Variants in ARHGAP42 observed in about 807,000 individuals in gnomAD.
ARHGAP42 encodes rho GTPase-activating protein 42.
A neutral mutation model predicts 125.0 loss-of-function variants in ARHGAP42; 63 were observed. That is an observed-to-expected ratio of 0.50 (90% CI 0.41 to 0.62). ARHGAP42 has a LOEUF of 0.62. Among genes scored for constraint, ARHGAP42 ranks in the 20% least tolerant of loss-of-function variants. The pLI is 0.00. For missense variants in ARHGAP42, 766 were observed against 1,024.2 expected, an observed-to-expected ratio of 0.75 and a Z score of 3.44; for synonymous variants, 339 against 351.0, an observed-to-expected ratio of 0.97 and a Z score of 0.38.
At chr11:100,807,259 G>A (rs1864019654) in intron 3 of ARHGAP42, among the ~76,000 whole-genome samples, 1 of 151,232 alleles carries the variant, frequency 6.6e-6, no homozygotes, top group Non-Finnish European at 1.5e-5. Context: ...GCAATGGCAC[G>A]ATCTCGGCTC....
intron 19 of ARHGAP42, among the ~76,000 whole-genome samples, chr11:100,975,330 A>C (rs1205270013): frequency 6.6e-6 from 1 of 152,202 alleles, no homozygotes; most frequent in Non-Finnish European, 1.5e-5. Flanking sequence ...TGTTCTCCAC[A>C]AATATGCATA....
At chr11:100,901,455 T>C (rs1278542584) in intron 4 of ARHGAP42, among the ~76,000 whole-genome samples, 1 of 152,222 alleles carries the variant, frequency 6.6e-6, no homozygotes, top group African/African-American at 2.4e-5. Flanking sequence ...CATTGTCAGA[T>C]AGGGACACTG....
intron 3 of ARHGAP42, among the ~76,000 whole-genome samples, chr11:100,807,308 G>T (rs867050650): frequency 6.6e-6 from 1 of 151,750 alleles, no homozygotes; most frequent in South Asian, 2.1e-4. Flanking sequence ...AGATTCTCCT[G>T]CCTCAGCCTC....
At chr11:100,942,332 T>C (rs545420096) in intron 9 of ARHGAP42, among the ~76,000 whole-genome samples, 10 of 152,282 alleles carry the variant, frequency 6.6e-5, no homozygotes, top group African/African-American at 2.4e-4. Flanking sequence ...ACCAAAATGC[T>C]GGCTAACAAG....
chr11:100,811,433 G>C (rs1864139454), intron 3 of ARHGAP42, among the ~76,000 whole-genome samples: 1 of 151,898 alleles, frequency 6.6e-6, no homozygotes, highest in African/African-American at 2.4e-5. Flanking sequence ...AGTAGAATGT[G>C]AATGACTAGA....
intron 1 of ARHGAP42, among the ~76,000 whole-genome samples, chr11:100,752,643 C>A (rs1862486427): frequency 6.6e-6 from 1 of 152,202 alleles, no homozygotes. Context: ...CTGTCCTCAA[C>A]CCTCTCAGCA....
chr11:100,928,223 A>T (rs1565280144), intron 6 of ARHGAP42, among the ~76,000 whole-genome samples: 1 of 152,308 alleles, frequency 6.6e-6, no homozygotes, highest in East Asian at 1.9e-4. Context: ...AATATGAAGG[A>T]TGGAACTATA....
intron 20 of ARHGAP42, 112 bp from the exon 21 acceptor site, chr11:100,976,703 C>A: frequency 7.5e-7 from 1 of 1,335,538 alleles, no homozygotes; most frequent in Non-Finnish European, 1.0e-6. Context: ...CATTCTGTAC[C>A]TTCCCATTTG....
chr11:100,818,639 C>T (rs1047446949), intron 3 of ARHGAP42, among the ~76,000 whole-genome samples: 3 of 151,890 alleles, frequency 2.0e-5, no homozygotes, highest in African/African-American at 7.3e-5. Flanking sequence ...TATATTTATC[C>T]AAAAGGACAG....
chr11:100,834,853 T>C (rs1864746366), intron 3 of ARHGAP42, among the ~76,000 whole-genome samples: 1 of 151,258 alleles, frequency 6.6e-6, no homozygotes, highest in Admixed American at 6.6e-5. Context: ...TTTTTTTTTT[T>C]TTTTCTTTGT....
At chr11:100,780,340 A>C (rs1018569106) in intron 2 of ARHGAP42, among the ~76,000 whole-genome samples, 3 of 152,222 alleles carry the variant, frequency 2.0e-5, no homozygotes, top group African/African-American at 7.2e-5. Context: ...CAAAATAATT[A>C]GTGTAATAAA....
At chr11:100,770,790 C>T (rs1862956013) in intron 2 of ARHGAP42, among the ~76,000 whole-genome samples, 1 of 152,162 alleles carries the variant, frequency 6.6e-6, no homozygotes, top group Admixed American at 6.5e-5. Flanking sequence ...TTTTGGTCAG[C>T]CTGGTCTCGA....
At chr11:100,790,394 A>T (rs1466351090) in intron 2 of ARHGAP42, among the ~76,000 whole-genome samples, 1 of 152,158 alleles carries the variant, frequency 6.6e-6, no homozygotes, top group Non-Finnish European at 1.5e-5. Flanking sequence ...GTAGAGATAA[A>T]AGGAAACCAA....
At chr11:100,901,275 T>A (rs185650493) in intron 4 of ARHGAP42, among the ~76,000 whole-genome samples, 5 of 152,312 alleles carry the variant, frequency 3.3e-5, no homozygotes, top group Admixed American at 3.3e-4. Context: ...TGATCCTTCC[T>A]CTGCAAGCTT....
chr11:100,958,110 C>CAT (rs11376268), intron 12 of ARHGAP42, among the ~76,000 whole-genome samples: 5 of 151,894 alleles, frequency 3.3e-5, no homozygotes, highest in African/African-American at 7.2e-5. Flanking sequence ...CCTAGGGTTA[C>CAT]TTTTTTTTGT....
At chr11:100,874,875 T>G (rs536189876) in intron 4 of ARHGAP42, among the ~76,000 whole-genome samples, 1 of 152,198 alleles carries the variant, frequency 6.6e-6, no homozygotes, top group Non-Finnish European at 1.5e-5. Context: ...CAGTGTCTTC[T>G]GTGCTGTCTT....
intron 15 of ARHGAP42, among the ~76,000 whole-genome samples, 175 bp downstream of exon 15, chr11:100,961,943 G>C (rs892401420): frequency 1.3e-5 from 2 of 152,070 alleles, no homozygotes; most frequent in African/African-American, 4.8e-5. Context: ...TCTGGAACTT[G>C]TACTTGATTT....
At position 100,959,929 on chromosome 11, in the gene ARHGAP42, A is replaced by G. The variant is rs1255784760; in HGVS notation, c.1209A>G (p.Gln403=). ...TCAACTTTGTGAGAAAATGCATTCAAGCTGTGGAAACAAGAGGTCAGTGTT... is the reference window on the plus strand; with the variant it reads ...TCAACTTTGTGAGAAAATGCATTCAGGCTGTGGAAACAAGAGGTCAGTGTT... The part of the protein sequence containing the change: ...AGFNFVRKCI[Q]AVETRGITIL... Residue 403 remains glutamine, a synonymous_variant, in exon 13 of 24, where the codon CAA becomes CAG. Coordinates refer to ENST00000298815, the MANE Select transcript of ARHGAP42 (RefSeq NM_152432.4). 4.5e-6 allele frequency: 7 copies of G among 1,551,438 alleles called. No individual in the cohort carries two copies. Among genetic ancestry groups the G allele is most frequent in the Admixed American group, 2.0e-5 (1 of 50,968 alleles).
chr11:100,688,355 A>G (rs953078792), intron 1 of ARHGAP42, among the ~76,000 whole-genome samples: 4 of 152,202 alleles, frequency 2.6e-5, no homozygotes, highest in Admixed American at 6.5e-5. Flanking sequence ...AGATAATGGA[A>G]GACAGCAAGG....
Sources: allele counts gnomAD v4.1 joint callset (sites outside exome capture counted in the v4.1 genomes callset), GRCh38; gene constraint gnomAD v4.1.1; transcripts MANE v1.5; gene names NCBI Gene and HGNC (gene_info 2026-07-23, HGNC 2026-07-21).